Variants in GUK1 observed in about 807,000 individuals in gnomAD.
GUK1 encodes guanylate kinase.
A neutral mutation model predicts 25.2 loss-of-function variants in GUK1; 18 were observed. That is an observed-to-expected ratio of 0.71 (90% CI 0.49 to 1.06). The LOEUF (loss-of-function observed/expected upper bound fraction) is 1.06. Ranked by LOEUF, GUK1 falls within the 50% of genes least tolerant of loss-of-function variation. The pLI is 0.00. For synonymous variants in GUK1, 105 were observed against 117.6 expected, an observed-to-expected ratio of 0.89 and a Z score of 0.69; for missense variants, 261 against 276.7, an observed-to-expected ratio of 0.94 and a Z score of 0.40.
chr1:228,141,503 T>G (rs2034045106), intron 2 of GUK1: 3 of 441,634 alleles, frequency 6.8e-6, no homozygotes, highest in Non-Finnish European at 9.5e-6. Context: ...GGCCCACGTC[T>G]GGTGGTTTGT....
rs867750853 is a variant in GUK1 at position 228,147,060 on chromosome 1, T to G, written c.251+122T>G. On this transcript the variant is annotated intron_variant, in intron 5 of 8. Coordinates refer to ENST00000312726, the MANE Select transcript of GUK1 (RefSeq NM_000858.7). ...CCCCATGGTTATGAATGTGGCCAGG[T>G]TGTGGCCCAGGGCCAGGCTCCCACG... 1.2e-5 allele frequency: 9 copies of G among 756,370 alleles called. No homozygotes were observed. In the African/African-American group the frequency reaches 1.4e-4, roughly 11 times the overall value. The allele number at this position is 756,370 out of a possible 1,614,324, so 46.9% of individuals were successfully genotyped here. A position where few individuals can be genotyped will look rare whatever the true frequency, so the allele number is the denominator to read the frequency against.
At chr1:228,146,138 T>C in intron 4 of GUK1, 71 bp downstream of exon 3, 1 of 1,010,298 alleles carries the variant, frequency 9.9e-7, no homozygotes, top group Admixed American at 1.8e-5. Context: ...TGCAGCTGTG[T>C]TGGCTGTGCT....
chr1:228,142,133 C>T (rs1440910432), intron 2 of GUK1, among the ~76,000 whole-genome samples: 4 of 68,356 alleles, frequency 5.9e-5, no homozygotes, highest in Non-Finnish European at 1.2e-4. Context: ...GTGCCTCCGC[C>T]CTGTCTCCAG....
rs2034026297 is a variant in GUK1, at chr1:228,141,259, G to A, written c.-32G>A. ...AGGGCTGGGGCCTTCACTCCTCTGT[G>A]GCTCTGGAAGAGCCCGATTTCCTCA... is the stretch of plus-strand genomic sequence containing the variant. On this transcript the variant is annotated 5_prime_UTR_variant, in exon 2 of 9. Transcript: ENST00000312726. The A allele has an allele frequency of 2.0e-6, 2 of 984,914 alleles. No individual in the cohort carries two copies. Among genetic ancestry groups the A allele is most frequent in the Non-Finnish European group, 2.4e-6 (2 of 829,470 alleles). The allele number at this position is 984,914 out of a possible 1,614,324, so 61.0% of individuals were successfully genotyped here.
In GUK1 at chr1:228,147,647, C is replaced by T. The variant is rs141255130; in HGVS notation, c.423C>T (p.Thr141=). 94 of 1,613,046 alleles carry T rather than the reference C, an allele frequency of 5.8e-5. No homozygotes were observed. In the African/African-American group the frequency reaches 1.0e-3, roughly 18 times the overall value. Reference sequence around the variant, plus strand: ...GGCTGCGGCAGCGCAACACTGAAACCGAGGAGAGCCTGGTGAAGCGGCTGG... The same window carrying T: ...GGCTGCGGCAGCGCAACACTGAAACTGAGGAGAGCCTGGTGAAGCGGCTGG... Residue 141 remains threonine (T), a synonymous_variant, in exon 7 of 9, where the codon ACC becomes ACT. Transcript: ENST00000312726.
At chr1:228,143,517 C>T (rs2034181071) in intron 2 of GUK1, among the ~76,000 whole-genome samples, 1 of 152,178 alleles carries the variant, frequency 6.6e-6, no homozygotes, top group South Asian at 2.1e-4. Context: ...AGAACTGTAC[C>T]CCTTCCACCC....
intron 1 of GUK1, 55 bp downstream of exon 1, chr1:228,140,418 C>T (rs2033977238): frequency 2.3e-6 from 3 of 1,298,560 alleles, no homozygotes; most frequent in Admixed American, 2.8e-5. Context: ...GGCAGCGGTC[C>T]CTGCGCTTTG....
chr1:228,144,141 C>G (rs1004713310), intron 2 of GUK1, among the ~76,000 whole-genome samples: 1 of 151,958 alleles, frequency 6.6e-6, no homozygotes, highest in Non-Finnish European at 1.5e-5. Flanking sequence ...ATCCTGCATA[C>G]CTTTGTGCCT....
Position 228,146,851 on chromosome 1 carries a change from T to C in GUK1, c.164T>C (p.Phe55Ser), listed in dbSNP as rs778470797. 1.2e-6 allele frequency: 2 copies of C among 1,611,690 alleles called. No homozygotes were observed. Among genetic ancestry groups the C allele is most frequent in the Non-Finnish European group, 1.7e-6 (2 of 1,177,884 alleles). Residue 55 changes from phenylalanine (F) to serine (S), a missense_variant, in exon 5 of 9, where the codon TTT (phenylalanine) becomes TCT (serine). Physicochemically the swap from Phe to Ser is radical, Grantham distance 155 (BLOSUM62 -2). Coordinates refer to ENST00000312726, the MANE Select transcript of GUK1 (RefSeq NM_000858.7). ...CCCTCCTCTTCCCCAGATTACTACTTTGTAACCAGGGAGGTGATGCAGCGT... is the reference window on the plus strand; with the variant it reads ...CCCTCCTCTTCCCCAGATTACTACTCTGTAACCAGGGAGGTGATGCAGCGT...
chr1:228,140,443 A>T, intron 1 of GUK1, 80 bp downstream of exon 1: 1 of 1,011,590 alleles, frequency 9.9e-7, no homozygotes, highest in Non-Finnish European at 1.4e-6. Flanking sequence ...CGCCCAGTCC[A>T]CGCCGCCTCC....
At chr1:228,145,874 C>T in intron 3 of GUK1, 152 bp from the exon 3 acceptor site, 1 of 728,792 alleles carries the variant, frequency 1.4e-6, no homozygotes, top group Non-Finnish European at 2.4e-6. Flanking sequence ...CTGGGAGAAC[C>T]CTCGCCTTGT....
chr1:228,146,750 G>A (rs1379942028), intron 4 of GUK1, 92 bp from the exon 4 acceptor site: 5 of 815,360 alleles, frequency 6.1e-6, no homozygotes, highest in Admixed American at 1.7e-5. Flanking sequence ...TGTGGGAGGG[G>A]CCTGCAGGCA....
intron 2 of GUK1, among the ~76,000 whole-genome samples, chr1:228,143,560 G>A (rs567666766): frequency 7.9e-5 from 12 of 152,332 alleles, no homozygotes; most frequent in Non-Finnish European, 1.5e-4. Context: ...ATTCACACAA[G>A]TGGCATGGCT....
chr1:228,148,001 C>T (rs189667327), intron 7 of GUK1: 2 of 582,594 alleles, frequency 3.4e-6, no homozygotes, highest in Middle Eastern at 4.5e-4. Context: ...ACCTTCTAGC[C>T]CCGGGGGTGT....
At position 228,147,660 on chromosome 1, in the gene GUK1, G is replaced by A. The variant is rs771971710; in HGVS notation, c.436G>A (p.Val146Met). Residue 146 changes from valine to methionine, a missense_variant, in exon 7 of 9, where the codon GTG becomes ATG. Physicochemically the swap from Val to Met is conservative, Grantham distance 21 (BLOSUM62 1). Transcript: ENST00000312726. The stretch of plus-strand genomic sequence containing the variant: ...CAACACTGAAACCGAGGAGAGCCTG[G>A]TGAAGCGGCTGGCTGCTGCCCAGGC... 1.2e-6 allele frequency: 2 copies of A among 1,613,022 alleles called. No individual in the cohort carries two copies. Among genetic ancestry groups the A allele is most frequent in the Admixed American group, 1.7e-5 (1 of 60,008 alleles).
chr1:228,143,765 G>A (rs1006929167), intron 2 of GUK1, among the ~76,000 whole-genome samples: 2 of 152,236 alleles, frequency 1.3e-5, no homozygotes, highest in African/African-American at 2.4e-5. Flanking sequence ...GGTTAGTGGG[G>A]AGGCCCGAGC....
intron 5 of GUK1, 74 bp from the exon 5 acceptor site, chr1:228,147,332 G>T (rs887029280): frequency 1.3e-5 from 18 of 1,438,418 alleles, no homozygotes; most frequent in Middle Eastern, 2.5e-4. Context: ...GCCCGGGAGG[G>T]CCTGGGTGTC....
At chr1:228,140,593 G>A (rs2124923631) in intron 1 of GUK1, among the ~76,000 whole-genome samples, 1 of 152,390 alleles carries the variant, frequency 6.6e-6, no homozygotes, top group Middle Eastern at 3.4e-3. Context: ...GAGCTGGGCA[G>A]GCCGGCAGTT....
intron 5 of GUK1, 27 bp downstream of exon 4, chr1:228,146,965 C>T (rs370418610): frequency 1.6e-4 from 233 of 1,484,104 alleles, no homozygotes; most frequent in Non-Finnish European, 2.1e-4. Context: ...TGTGGGTGGG[C>T]TCCCAGGGTT....
Sources: allele counts gnomAD v4.1 joint callset (sites outside exome capture counted in the v4.1 genomes callset), GRCh38; gene constraint gnomAD v4.1.1; transcripts MANE v1.5; gene names NCBI Gene and HGNC (gene_info 2026-07-23, HGNC 2026-07-21).